WDPCP: variants seen among roughly 807,000 people sequenced by gnomAD.
WDPCP encodes the protein WD repeat-containing and planar cell polarity effector protein fritz homolog.
In WDPCP, 71 loss-of-function variants were observed where a neutral mutation model predicts 93.1. That is an observed-to-expected ratio of 0.76 (90% CI 0.63 to 0.93). WDPCP has a LOEUF of 0.93. WDPCP is among the 40% of genes least tolerant of loss of function. The pLI is 0.00. For missense variants in WDPCP, 844 were observed against 887.4 expected (o/e 0.95, Z 0.62); for synonymous variants, 315 against 315.0 (o/e 1.00, Z 0.00).
intron 2 of WDPCP, chr2:63,684,529 T>A: frequency 1.4e-6 from 1 of 726,730 alleles, no homozygotes; most frequent in Non-Finnish European, 2.6e-6. Context: ...TGAGAGTTTA[T>A]AACTATAATC....
intron 2 of WDPCP, among the ~76,000 whole-genome samples, chr2:63,722,785 G>A (rs1669444543): frequency 6.6e-6 from 1 of 152,096 alleles, no homozygotes; most frequent in African/African-American, 2.4e-5. Flanking sequence ...TGGGAGGTGT[G>A]CCCAACAGCT....
At chr2:63,429,663 T>C (rs1449396922) in intron 9 of WDPCP, among the ~76,000 whole-genome samples, 5 of 152,010 alleles carry the variant, frequency 3.3e-5, no homozygotes. Flanking sequence ...TCAGAATGGC[T>C]TTTGTTAAAA....
intron 1 of WDPCP, among the ~76,000 whole-genome samples, chr2:63,584,847 T>A (rs1190135156): frequency 6.6e-6 from 1 of 152,174 alleles, no homozygotes. Context: ...TCCTTTCACT[T>A]GAAAAAAACT....
intron 10 of WDPCP, among the ~76,000 whole-genome samples, chr2:63,395,531 C>T (rs1038238850): frequency 1.3e-5 from 2 of 152,160 alleles, no homozygotes; most frequent in Admixed American, 1.3e-4. Context: ...TGGCCTCTAG[C>T]TCCATCCATG....
At chr2:63,589,229 C>T, upstream of WDPCP, 3 of 1,561,656 alleles carry the variant, frequency 1.9e-6, no homozygotes, top group Non-Finnish European at 2.6e-6. Context: ...GGATTGATTT[C>T]CACCTTGCGG....
intron 14 of WDPCP, among the ~76,000 whole-genome samples, chr2:63,211,652 G>A (rs1165832261): frequency 1.3e-5 from 2 of 151,942 alleles, no homozygotes; most frequent in African/African-American, 4.8e-5. Flanking sequence ...TCAGAAAATC[G>A]GTAATAACAA....
chr2:63,395,597 C>T (rs1312258131), intron 10 of WDPCP, among the ~76,000 whole-genome samples: 1 of 152,144 alleles, frequency 6.6e-6, no homozygotes, highest in Admixed American at 6.5e-5. Flanking sequence ...CGTATCAATG[C>T]TCATCAGCTT....
At position 63,174,743 on chromosome 2, in the gene WDPCP, C is replaced by G; in HGVS notation, c.2005G>C (p.Asp669His). Residue 669 changes from aspartate to histidine, a missense_variant, in exon 15 of 18, where the codon GAT (aspartate) becomes CAT (histidine). Transcript: ENST00000272321. ...GTTGGGCAAGAGGGAGGGAGGTTAT[C>G]TGGAAATGAGTCTTCTCCTTGAGGT... ...LAPQGEDSFP[D>H]NLPPSCPTHR... The G allele has an allele frequency of 6.2e-7, 1 of 1,613,942 alleles. No individual in the cohort carries two copies. Among genetic ancestry groups the G allele is most frequent in the East Asian group, 2.2e-5 (1 of 44,850 alleles).
At chr2:63,251,534 G>A (rs1017351941) in intron 14 of WDPCP, among the ~76,000 whole-genome samples, 2 of 130,696 alleles carry the variant, frequency 1.5e-5, no homozygotes, top group African/African-American at 3.0e-5. Flanking sequence ...CTCTGTCGTC[G>A]AGGCTGGAGT....
At chr2:63,803,467 T>C (rs1670722285) in intron 2 of WDPCP, among the ~76,000 whole-genome samples, 1 of 152,176 alleles carries the variant, frequency 6.6e-6, no homozygotes, top group African/African-American at 2.4e-5. Context: ...ATATTCCAAA[T>C]GTAGAAAATT....
chr2:63,553,783 TA>T (rs1158075467), intron 1 of WDPCP, among the ~76,000 whole-genome samples: 2 of 151,986 alleles, frequency 1.3e-5, no homozygotes, highest in Non-Finnish European at 2.9e-5. Flanking sequence ...AAATGATTTT[TA>T]AAAAAAACTC....
intron 12 of WDPCP, among the ~76,000 whole-genome samples, chr2:63,371,091 C>T (rs966660719): frequency 1.3e-5 from 2 of 152,088 alleles, no homozygotes; most frequent in African/African-American, 4.8e-5. Context: ...TCAACATTTC[C>T]AAAACCAAAC....
chr2:63,789,334 A>C (rs550948192), intron 2 of WDPCP, among the ~76,000 whole-genome samples: 54 of 152,162 alleles, frequency 3.5e-4, no homozygotes, highest in African/African-American at 1.2e-3. Flanking sequence ...AAGGGCCCCC[A>C]AATTAATAAT....
intron 6 of WDPCP, among the ~76,000 whole-genome samples, chr2:63,453,903 T>C (rs1351332026): frequency 7.4e-6 from 1 of 134,500 alleles, no homozygotes; most frequent in Non-Finnish European, 1.5e-5. Flanking sequence ...ATGAGAACAC[T>C]TGGACACAGG....
chr2:63,364,637 T>C (rs1690750213), intron 12 of WDPCP, among the ~76,000 whole-genome samples: 1 of 152,230 alleles, frequency 6.6e-6, no homozygotes, highest in Non-Finnish European at 1.5e-5. Context: ...TCCATGTCTG[T>C]AGTGTTTTGT....
At chr2:63,344,511 G>A (rs1205440507) in intron 12 of WDPCP, among the ~76,000 whole-genome samples, 1 of 152,084 alleles carries the variant, frequency 6.6e-6, no homozygotes, top group Non-Finnish European at 1.5e-5. Flanking sequence ...CTCTGGGCAT[G>A]GTGTTGTACA....
intron 12 of WDPCP, among the ~76,000 whole-genome samples, chr2:63,332,612 T>C (rs1288239682): frequency 1.3e-5 from 2 of 152,214 alleles, no homozygotes; most frequent in Admixed American, 1.3e-4. Context: ...GAATTCTTTA[T>C]ATATGCTGGA....
chr2:63,298,092 C>A (rs1685011502), intron 13 of WDPCP, among the ~76,000 whole-genome samples: 1 of 152,122 alleles, frequency 6.6e-6, no homozygotes, highest in Non-Finnish European at 1.5e-5. Context: ...TGCATGGTAT[C>A]TAAACGGGAC....
chr2:63,611,550 T>C (rs968184430), intron 3 of WDPCP, among the ~76,000 whole-genome samples: 2 of 152,182 alleles, frequency 1.3e-5, no homozygotes, highest in African/African-American at 4.8e-5. Context: ...GCTTAAGAAT[T>C]TGACTATGAA....
Sources: allele counts gnomAD v4.1 joint callset (sites outside exome capture counted in the v4.1 genomes callset), GRCh38; gene constraint gnomAD v4.1.1; transcripts MANE v1.5; gene names NCBI Gene and HGNC (gene_info 2026-07-23, HGNC 2026-07-21).